Variants in MAP6 observed in about 807,000 individuals in gnomAD.
MAP6 encodes the protein microtubule-associated protein 6.
In MAP6, 26 loss-of-function variants were observed where a neutral mutation model predicts 42.4. The observed-to-expected ratio is 0.61, with a 90% confidence interval of 0.45 to 0.85. The LOEUF is 0.85. Ranked by LOEUF, MAP6 falls within the 40% of genes least tolerant of loss-of-function variation. MAP6 has a pLI of 0.00. For synonymous variants in MAP6, 418 were observed against 443.8 expected (o/e 0.94, Z 0.73); for missense variants, 966 against 1,099.0 (o/e 0.88, Z 1.71).
chr11:75,601,394 T>C (rs1942661479), intron 3 of MAP6, among the ~76,000 whole-genome samples: 1 of 152,246 alleles, frequency 6.6e-6, no homozygotes, highest in African/African-American at 2.4e-5. Context: ...ATTTGTTTTA[T>C]TTCTTGAGCA....
chr11:75,621,742 G>C (rs2135615280), intron 1 of MAP6, among the ~76,000 whole-genome samples: 1 of 152,298 alleles, frequency 6.6e-6, no homozygotes, highest in East Asian at 1.9e-4. Context: ...CTTGCATTTA[G>C]AAAATACTCA....
chr11:75,650,866 T>C (rs1281767187), intron 1 of MAP6, among the ~76,000 whole-genome samples: 1 of 152,216 alleles, frequency 6.6e-6, no homozygotes, highest in African/African-American at 2.4e-5. Context: ...CTGTGATTAC[T>C]AATTTCTCTT....
At chr11:75,588,249 G>T in intron 3 of MAP6, 65 bp from the exon 4 acceptor site, 3 of 1,459,620 alleles carry the variant, frequency 2.1e-6, no homozygotes, top group South Asian at 2.6e-5. Flanking sequence ...GCAGAGTACA[G>T]ATTGCCTAAT....
At chr11:75,616,942 A>T (rs1205732430) in intron 1 of MAP6, among the ~76,000 whole-genome samples, 1 of 152,220 alleles carries the variant, frequency 6.6e-6, no homozygotes, top group Non-Finnish European at 1.5e-5. Flanking sequence ...TATAAAGAAA[A>T]GTTTGAAGCT....
intron 1 of MAP6, among the ~76,000 whole-genome samples, chr11:75,642,429 A>T (rs1481570628): frequency 1.3e-5 from 2 of 152,254 alleles, no homozygotes; most frequent in Non-Finnish European, 2.9e-5. Context: ...CATTTCCAAG[A>T]TTCAAAACTA....
chr11:75,605,991 C>CT lies in MAP6; in HGVS notation c.1132dup (p.Ser378LysfsTer15). The CT allele has an allele frequency of 6.2e-7, 1 of 1,613,746 alleles. No individual in the cohort carries two copies. On this transcript the variant is annotated frameshift_variant, in exon 3 of 4. Coordinates refer to ENST00000304771, the MANE Select transcript of MAP6 (RefSeq NM_033063.2). LOFTEE classifies it high-confidence loss of function. Reference sequence around the variant, plus strand: ...CTTTTTTGGTTTGGAACTCTGAACACTAGGTTTTTCCACCTGTACGGAGAG... The same window carrying CT: ...CTTTTTTGGTTTGGAACTCTGAACACTTAGGTTTTTCCACCTGTACGGAGAG...
At chr11:75,637,894 GGGAGGGAGGGAA>G (rs1341666314) in intron 1 of MAP6, among the ~76,000 whole-genome samples, 2 of 148,750 alleles carry the variant, frequency 1.3e-5, no homozygotes, top group African/African-American at 2.5e-5. Context: ...GACTGAGGGA[GGGAGGGAGGGAA>G]GGAGGGAGGG....
intron 1 of MAP6, among the ~76,000 whole-genome samples, chr11:75,663,798 T>C (rs1289870254): frequency 1.3e-5 from 2 of 152,228 alleles, no homozygotes; most frequent in African/African-American, 4.8e-5. Context: ...CAGCATAAAC[T>C]AAGTCAGATG....
chr11:75,603,567 G>A, intron 3 of MAP6: 2 of 961,876 alleles, frequency 2.1e-6, no homozygotes, highest in South Asian at 9.9e-5. Flanking sequence ...TTGGGTGAGG[G>A]TAGGAAGTTG....
chr11:75,667,964 T>TGGGCTCGGGCCGCTGCACCTTCC lies in MAP6; in HGVS notation c.383_405dup (p.Ser136GlyfsTer170). 4 of 1,330,372 alleles carry TGGGCTCGGGCCGCTGCACCTTCC rather than the reference T, an allele frequency of 3.0e-6. No homozygotes were observed. Among genetic ancestry groups the TGGGCTCGGGCCGCTGCACCTTCC allele is most frequent in the South Asian group, 1.9e-5 (1 of 52,024 alleles). 82.4% of individuals were successfully genotyped at this position (1,330,372 alleles called of 1,614,324 possible). A position where few individuals can be genotyped will look rare whatever the true frequency, so the allele number is the denominator to read the frequency against. Reference sequence around the variant, plus strand: ...TGGTATTCGCTGCGCGGCCGGCAGCTGGGCTCGGGCCGCTGCACCTTCCAG... The same window carrying TGGGCTCGGGCCGCTGCACCTTCC: ...TGGTATTCGCTGCGCGGCCGGCAGCTGGGCTCGGGCCGCTGCACCTTCCGGGCTCGGGCCGCTGCACCTTCCAG... On this transcript the variant is annotated frameshift_variant, in exon 1 of 4. Coordinates refer to ENST00000304771, the MANE Select transcript of MAP6 (RefSeq NM_033063.2). LOFTEE classifies it high-confidence loss of function. The surrounding 1 kb of genome is among the most constrained non-coding windows in gnomAD (Gnocchi z 5.6).
chr11:75,661,286 G>A (rs966729386), intron 1 of MAP6, among the ~76,000 whole-genome samples: 1 of 152,112 alleles, frequency 6.6e-6, no homozygotes, highest in Non-Finnish European at 1.5e-5. Context: ...TTGAGGAGGA[G>A]CCCTTCTTAT....
chr11:75,604,570 A>C (rs1942723007), intron 3 of MAP6: 2 of 985,148 alleles, frequency 2.0e-6, no homozygotes, highest in South Asian at 4.7e-5. Context: ...TCTGGTAACT[A>C]TTTTGAGTTC....
chr11:75,667,707 T>C lies in MAP6; in HGVS notation c.663A>G (p.Gly221=). 1 of 1,283,934 alleles carries C rather than the reference T, an allele frequency of 7.8e-7. No homozygotes were observed. Among genetic ancestry groups the C allele is most frequent in the South Asian group, 2.6e-5 (1 of 38,154 alleles). The allele number at this position is 1,283,934 out of a possible 1,614,324, so 79.5% of individuals were successfully genotyped here. A position where few individuals can be genotyped will look rare whatever the true frequency, so the allele number is the denominator to read the frequency against. The change falls in exon 1 of 4, where the codon GGA becomes GGG. Residue 221 remains glycine (G), a synonymous_variant. Coordinates refer to ENST00000304771, the MANE Select transcript of MAP6 (RefSeq NM_033063.2). The surrounding 1 kb of genome is among the most constrained non-coding windows in gnomAD (Gnocchi z 5.6). ...CCTTTCCGGCCGCCAGGCCACCCGC[T>C]CCGCCGGGGGCCGCCTCCTGCTCCC... ...EAREQEAAPG[G]AGGLAAGKAS... is the part of the protein sequence containing the mutation.
intron 1 of MAP6, among the ~76,000 whole-genome samples, chr11:75,663,570 G>A (rs192391789): frequency 1.3e-5 from 2 of 152,134 alleles, no homozygotes; most frequent in African/African-American, 4.8e-5. Flanking sequence ...TGACGTGGTG[G>A]GGGAGACAGA....
rs1340222159 is a variant in MAP6, at chr11:75,621,777, C to G, written c.906-13455G>C. Among the ~76,000 whole-genome samples the G allele has an allele frequency of 3.3e-5, 5 of 152,156 alleles. No individual in the cohort carries two copies. In the East Asian group the frequency reaches 9.6e-4, roughly 29 times the overall value. On this transcript the variant is annotated intron_variant, in intron 1 of 3. Coordinates refer to ENST00000304771, the MANE Select transcript of MAP6 (RefSeq NM_033063.2). ...AGGAATTGACCGAGTAATCCCTGCA[C>G]TTTGGAAGGCCAAGGTGGGTGGATC...
rs1254854738 is a variant in MAP6, at chr11:75,587,909, G to C, written c.1592C>G (p.Pro531Arg). 1 of 1,614,100 alleles carries C rather than the reference G, an allele frequency of 6.2e-7. No homozygotes were observed. Among genetic ancestry groups the C allele is most frequent in the Admixed American group, 1.7e-5 (1 of 60,022 alleles). ...ATTCTTTGGAGGAACTGGGACCGAG[G>C]GACCTTGGTCCTTGACTGGTGCTGA... is the stretch of plus-strand genomic sequence containing the variant. Reference protein sequence around the residue: ...VISAPVKDQGPSVPVPPKNQS... With the variant: ...VISAPVKDQGRSVPVPPKNQS... Residue 531 changes from proline (P) to arginine (R), a missense_variant, in exon 4 of 4, where the codon CCC becomes CGC. Transcript: ENST00000304771.
intron 3 of MAP6, among the ~76,000 whole-genome samples, chr11:75,594,992 T>C (rs1942552123): frequency 6.6e-6 from 1 of 152,220 alleles, no homozygotes; most frequent in South Asian, 2.1e-4. Context: ...GCTGTCACTT[T>C]GTTGGAGAAG....
intron 3 of MAP6, chr11:75,604,898 C>T (rs1942730660): frequency 1.0e-6 from 1 of 985,388 alleles, no homozygotes; most frequent in African/African-American, 1.7e-5. Flanking sequence ...ACACTTGCCA[C>T]TACATCTACG....
At chr11:75,611,574 A>T (rs73488420) in intron 1 of MAP6, among the ~76,000 whole-genome samples, 1,955 of 152,322 alleles carry the variant, frequency 0.013, 59 homozygotes, top group African/African-American at 0.045. Context: ...CCCAAATTCC[A>T]TTTCTTAGAA....
Sources: allele counts gnomAD v4.1 joint callset (sites outside exome capture counted in the v4.1 genomes callset), GRCh38; gene constraint gnomAD v4.1.1; non-coding constraint Gnocchi (gnomAD v3.1); transcripts MANE v1.5; gene names NCBI Gene and HGNC (gene_info 2026-07-23, HGNC 2026-07-21).